SF3B3: variants seen among roughly 807,000 people sequenced by gnomAD.
SF3B3 encodes splicing factor 3b subunit 3.
SF3B3 carries 33 observed loss-of-function variants against 139.2 expected under a neutral mutation model. That is an observed-to-expected ratio of 0.24 (90% confidence interval 0.18 to 0.32). SF3B3 has a LOEUF of 0.32. Among genes scored for constraint, SF3B3 ranks in the 10% least tolerant of loss-of-function variants. The pLI, the probability that SF3B3 is intolerant of heterozygous loss-of-function variation, is 1.00. For synonymous variants in SF3B3, 596 were observed against 563.6 expected (o/e 1.06, Z -0.81); for missense variants, 818 against 1,509.4 (o/e 0.54, Z 7.59).
At chr16:70,564,305 A>G (rs899730947) in intron 18 of SF3B3, among the ~76,000 whole-genome samples, 3 of 152,178 alleles carry the variant, frequency 2.0e-5, no homozygotes, top group African/African-American at 4.8e-5. Flanking sequence ...CCAGGAGTTC[A>G]AGACTGCAGT....
intron 15 of SF3B3, among the ~76,000 whole-genome samples, chr16:70,558,700 G>T (rs1013141238): frequency 2.0e-5 from 3 of 152,106 alleles, no homozygotes; most frequent in Non-Finnish European, 4.4e-5. Flanking sequence ...GGGTTCAAGC[G>T]ATTCTCATGC....
chr16:70,538,671 T>C (rs1567412901), intron 7 of SF3B3, among the ~76,000 whole-genome samples: 1 of 152,244 alleles, frequency 6.6e-6, no homozygotes, highest in Non-Finnish European at 1.5e-5. Context: ...GTAGTGATTA[T>C]TTTTAGGTGA....
intron 6 of SF3B3, chr16:70,537,892 A>G: frequency 2.5e-6 from 1 of 395,052 alleles, no homozygotes; most frequent in Non-Finnish European, 5.0e-6. Context: ...TGGGCAACAT[A>G]GTGAGACCTT....
In SF3B3 at chr16:70,567,421, A is replaced by G; in HGVS notation, c.2837A>G (p.Glu946Gly). ...KLEFLHKTPVEEVPAAIAPFQ... is the reference protein window; with the variant it reads ...KLEFLHKTPVGEVPAAIAPFQ... ...GCTTTTCCTCTATAGACTCCTGTGG[A>G]AGAGGTCCCTGCTGCTATTGCCCCA... Residue 946 changes from glutamate (E) to glycine (G), a missense_variant, in exon 21 of 26, where the codon GAA becomes GGA. By Grantham distance (98) the Glu-to-Gly change is moderately conservative. Transcript: ENST00000302516. The G allele has an allele frequency of 6.2e-7, 1 of 1,613,742 alleles. No individual in the cohort carries two copies. Among genetic ancestry groups the G allele is most frequent in the Non-Finnish European group, 8.5e-7 (1 of 1,179,884 alleles).
intron 11 of SF3B3, among the ~76,000 whole-genome samples, chr16:70,549,104 C>A (rs1029484774): frequency 6.6e-6 from 1 of 152,204 alleles, no homozygotes; most frequent in African/African-American, 2.4e-5. Flanking sequence ...AGAAAGAAAG[C>A]TCAGTCTCAT....
chr16:70,556,096 T>C, intron 13 of SF3B3, 83 bp from the exon 14 acceptor site: 5 of 1,411,848 alleles, frequency 3.5e-6, no homozygotes, highest in Non-Finnish European at 4.9e-6. Flanking sequence ...CTTCATTCTC[T>C]GGATCCAGGG....
intron 10 of SF3B3, among the ~76,000 whole-genome samples, chr16:70,547,602 C>CT (rs1377300137): frequency 2.0e-5 from 3 of 151,764 alleles, no homozygotes; most frequent in East Asian, 1.9e-4. Flanking sequence ...TGATTTCTTT[C>CT]TTTTTTTTGG....
intron 5 of SF3B3, among the ~76,000 whole-genome samples, chr16:70,534,729 C>G (rs1281160192): frequency 6.6e-6 from 1 of 152,142 alleles, no homozygotes; most frequent in Non-Finnish European, 1.5e-5. Flanking sequence ...AGCACAGTGG[C>G]ACGATCTTGG....
Position 70,567,460 on chromosome 16 carries a change from T to C in SF3B3, c.2876T>C (p.Val959Ala). The C allele has an allele frequency of 6.2e-7, 1 of 1,612,354 alleles. No individual in the cohort carries two copies. The highest frequency in any genetic ancestry group is 2.2e-5 in the East Asian group (1 of 44,808). ...PAAIAPFQGR[V>A]LIGVGKLLRV... ...GCTATTGCCCCATTCCAGGGGAGGG[T>C]GTTGATTGGTGTGGGGAAGCTGTTG... The change falls in exon 21 of 26, where the codon GTG (valine) becomes GCG (alanine). Residue 959 changes from valine (V) to alanine (A), a missense_variant. Physicochemically the swap from Val to Ala is moderately conservative, Grantham distance 64. Coordinates refer to ENST00000302516, the MANE Select transcript of SF3B3 (RefSeq NM_012426.5).
rs75475007 is a variant in SF3B3, at chr16:70,539,706, G to A, written c.1067+499G>A. Among the ~76,000 whole-genome samples the A allele has an allele frequency of 1.5e-3, 223 of 152,120 alleles. 1 individual carries two copies. Among genetic ancestry groups the A allele is most frequent in the Middle Eastern group, 3.4e-3 (1 of 294 alleles). On this transcript the variant is annotated intron_variant, in intron 8 of 25. Coordinates refer to ENST00000302516, the MANE Select transcript of SF3B3 (RefSeq NM_012426.5). ...TTTAGTGGCTTCGGGCAGTACCTCT[G>A]TAGGTATCTCCAGAACTATCTTTAG...
chr16:70,568,721 T>G (rs1174676347), intron 22 of SF3B3, among the ~76,000 whole-genome samples: 1 of 152,260 alleles, frequency 6.6e-6, no homozygotes, highest in African/African-American at 2.4e-5. Flanking sequence ...CGTGATTTAA[T>G]GATAGGTTTA....
intron 12 of SF3B3, 71 bp downstream of exon 12, chr16:70,554,668 C>G: frequency 6.7e-7 from 1 of 1,493,114 alleles, no homozygotes; most frequent in Non-Finnish European, 9.3e-7. Flanking sequence ...ATGCAGGCTG[C>G]TGTGTTCATG....
rs1171516139 is a variant in SF3B3, at chr16:70,569,155, A to G, written c.3264+14A>G. On this transcript the variant is annotated intron_variant, in intron 23 of 25. Transcript: ENST00000302516. ...GCCTCCCAGAAGGTAAGATTGCAGAATGGGCCCCAGGGAGAACACTGCTTA... is the reference window on the plus strand; with the variant it reads ...GCCTCCCAGAAGGTAAGATTGCAGAGTGGGCCCCAGGGAGAACACTGCTTA... 2 of 1,580,578 alleles carry G rather than the reference A, an allele frequency of 1.3e-6. No individual in the cohort carries two copies. Among genetic ancestry groups the G allele is most frequent in the Non-Finnish European group, 1.7e-6 (2 of 1,154,700 alleles).
intron 8 of SF3B3, among the ~76,000 whole-genome samples, chr16:70,540,883 A>G (rs532834261): frequency 6.6e-6 from 1 of 152,278 alleles, no homozygotes; most frequent in South Asian, 2.1e-4. Flanking sequence ...ACCTTTCACT[A>G]TTGGGAACAA....
intron 15 of SF3B3, among the ~76,000 whole-genome samples, chr16:70,557,535 C>T (rs1203144462): frequency 6.6e-6 from 1 of 152,124 alleles, no homozygotes; most frequent in Non-Finnish European, 1.5e-5. Flanking sequence ...GTAATCTAGC[C>T]CAGGTACTTT....
rs376036120 is a variant in SF3B3 at position 70,576,492 on chromosome 16, T to C, written c.*4679T>C. 12 of 152,184 alleles carry C rather than the reference T, an allele frequency of 7.9e-5. No homozygotes were observed. The highest frequency in any genetic ancestry group is 2.9e-4 in the African/African-American group (12 of 41,426). 9.4% of individuals were successfully genotyped at this position (152,184 alleles called of 1,614,324 possible). A position where few individuals can be genotyped will look rare whatever the true frequency, so the allele number is the denominator to read the frequency against. On this transcript the variant is annotated 3_prime_UTR_variant, in exon 26 of 26. Transcript: ENST00000302516. ...AGGAGAGGTGCTTTCAGTTGGGTCATTTGGTAGCGTTTAGGCTTAGAAGTT... is the reference window on the plus strand; with the variant it reads ...AGGAGAGGTGCTTTCAGTTGGGTCACTTGGTAGCGTTTAGGCTTAGAAGTT...
Position 70,526,740 on chromosome 16 carries a change from T to C in SF3B3, c.70+14T>C. 1 of 1,586,524 alleles carries C rather than the reference T, an allele frequency of 6.3e-7. No homozygotes were observed. The highest frequency in any genetic ancestry group is 8.7e-7 in the Non-Finnish European group (1 of 1,155,310). On this transcript the variant is annotated intron_variant, in intron 2 of 25. Transcript: ENST00000302516. ...GAAACTTTTCTGGTAAGTTCTCTCG[T>C]TACCATCTTTTGAAATTTTAAGTGA...
chr16:70,562,423 T>C (rs2050437524), intron 17 of SF3B3, among the ~76,000 whole-genome samples: 1 of 152,248 alleles, frequency 6.6e-6, no homozygotes, highest in Non-Finnish European at 1.5e-5. Context: ...GCTTATCAAA[T>C]GAGCTCCCAA....
chr16:70,561,817 A>T (rs778002929), intron 17 of SF3B3, 33 bp downstream of exon 17: 1 of 1,602,328 alleles, frequency 6.2e-7, no homozygotes, highest in South Asian at 1.1e-5. Flanking sequence ...GCTCAGCAGG[A>T]AGCCTTTCTG....
Sources: allele counts gnomAD v4.1 joint callset (sites outside exome capture counted in the v4.1 genomes callset), GRCh38; gene constraint gnomAD v4.1.1; transcripts MANE v1.5; gene names NCBI Gene and HGNC (gene_info 2026-07-23, HGNC 2026-07-21).